Variants in DLG1 observed in about 807,000 individuals in gnomAD.
DLG1 encodes the protein disks large homolog 1.
DLG1 carries 42 observed loss-of-function variants against 123.4 expected under a neutral mutation model. The observed-to-expected ratio is 0.34, with a 90% CI of 0.27 to 0.44. DLG1 has a LOEUF of 0.44. Ranked by LOEUF, DLG1 falls within the 20% of genes least tolerant of loss-of-function variation. The pLI is 1.00. For synonymous variants in DLG1, 317 were observed against 356.2 expected (o/e 0.89, Z 1.24); for missense variants, 942 against 1,082.6 (o/e 0.87, Z 1.82).
At chr3:197,221,178 T>C (rs1367756267) in intron 4 of DLG1, among the ~76,000 whole-genome samples, 2 of 152,206 alleles carry the variant, frequency 1.3e-5, no homozygotes, top group Non-Finnish European at 2.9e-5. Flanking sequence ...TTGCAATATT[T>C]ACTTTTGCTT....
chr3:197,234,587 C>G (rs537163126), intron 4 of DLG1, among the ~76,000 whole-genome samples: 1 of 152,210 alleles, frequency 6.6e-6, no homozygotes, highest in Admixed American at 6.5e-5. Flanking sequence ...ACATGAAAAA[C>G]TAACCTTGGA....
chr3:197,245,899 T>TGGG lies in DLG1; in HGVS notation c.318+36779_318+36780insCCC, dbSNP rs1554044922. On this transcript the variant is annotated intron_variant, in intron 4 of 24. Coordinates refer to ENST00000667157, the MANE Select transcript of DLG1 (RefSeq NM_001366207.1). ...GGACATGGACAATACTTTTTTTTTTTTGGGGGGGGGGGAGGTGGCAAATGA... is the reference window on the plus strand; with the variant it reads ...GGACATGGACAATACTTTTTTTTTTTGGGTGGGGGGGGGGGAGGTGGCAAATGA... Among the ~76,000 whole-genome samples the TGGG allele has an allele frequency of 3.8e-4, 36 of 93,522 alleles. 1 individual carries two copies. Among genetic ancestry groups the TGGG allele is most frequent in the African/African-American group, 1.0e-3 (25 of 24,150 alleles). 61.4% of individuals were successfully genotyped at this position (93,522 alleles called of 152,430 possible).
At chr3:197,069,004 T>C (rs1240286281) in intron 19 of DLG1, among the ~76,000 whole-genome samples, 6 of 122,404 alleles carry the variant, frequency 4.9e-5, no homozygotes, top group Admixed American at 8.5e-5. Flanking sequence ...TGTACACAAA[T>C]AATATTTTTA....
At chr3:197,058,994 C>T (rs1733880130) in intron 23 of DLG1, among the ~76,000 whole-genome samples, 2 of 152,128 alleles carry the variant, frequency 1.3e-5, no homozygotes, top group Non-Finnish European at 2.9e-5. Context: ...GGCGAGATCT[C>T]GGCTCACTGC....
chr3:197,257,089 T>TA (rs199748083), intron 4 of DLG1, among the ~76,000 whole-genome samples: 9 of 152,124 alleles, frequency 5.9e-5, no homozygotes, highest in East Asian at 5.8e-4. Context: ...TGAAGTCTTT[T>TA]AAAAAAAATC....
chr3:197,248,047 C>T lies in DLG1; in HGVS notation c.318+34632G>A, dbSNP rs1752605089. 2.6e-5 allele frequency among the ~76,000 whole-genome samples: 4 copies of T among 152,190 alleles called. No homozygotes were observed. In the South Asian group the frequency reaches 6.2e-4, roughly 24 times the overall value. ...CATCAGAAGCCATATGAGGTGACCA[C>T]GGAACCGCAGATTGGACTTACTCAC... is the stretch of plus-strand genomic sequence containing the variant. On this transcript the variant is annotated intron_variant, in intron 4 of 24. Transcript: ENST00000667157.
Position 197,042,880 on chromosome 3 carries a change from T to C in DLG1, c.*1743A>G, listed in dbSNP as rs373247935. 7 of 104,336 alleles carry C rather than the reference T, an allele frequency of 6.7e-5. No homozygotes were observed. In the East Asian group the frequency reaches 1.2e-3, roughly 18 times the overall value. The allele number at this position is 104,336 out of a possible 1,614,324, so 6.5% of individuals were successfully genotyped here. On this transcript the variant is annotated 3_prime_UTR_variant, in exon 25 of 25. Coordinates refer to ENST00000667157, the MANE Select transcript of DLG1 (RefSeq NM_001366207.1). Reference sequence around the variant, plus strand: ...CAAATTGTTTCAAGAAAATGTTAGCTTGCAAAATATATTTTTTCTTTCAAA... The same window carrying C: ...CAAATTGTTTCAAGAAAATGTTAGCCTGCAAAATATATTTTTTCTTTCAAA...
rs544424554 is a variant in DLG1, at chr3:197,256,968, A to G, written c.318+25711T>C. 2.0e-4 allele frequency among the ~76,000 whole-genome samples: 31 copies of G among 152,298 alleles called. 1 individual carries two copies. The highest frequency in any genetic ancestry group is 7.5e-4 in the African/African-American group (31 of 41,564). ...ACTTCAACACAGTAATATGATCTAC[A>G]CTAAAAAATTCTATTACAGGTTACT... On this transcript the variant is annotated intron_variant, in intron 4 of 24. Transcript: ENST00000667157.
intron 5 of DLG1, among the ~76,000 whole-genome samples, chr3:197,154,984 T>C (rs1422240239): frequency 6.6e-6 from 1 of 152,092 alleles, no homozygotes; most frequent in East Asian, 1.9e-4. Flanking sequence ...GGGAGTTGCA[T>C]GAGAAATGAC....
At chr3:197,271,167 T>A (rs1206188203) in intron 4 of DLG1, among the ~76,000 whole-genome samples, 1 of 152,172 alleles carries the variant, frequency 6.6e-6, no homozygotes, top group Non-Finnish European at 1.5e-5. Flanking sequence ...TTCATGCCTG[T>A]GGCCCCCAGT....
chr3:197,297,267 T>C lies in DLG1; in HGVS notation c.-31-32A>G, dbSNP rs1777886866. 17 of 1,611,454 alleles carry C rather than the reference T, an allele frequency of 1.1e-5. No homozygotes were observed. The Admixed American group carries it at 2.3e-4, about 22-fold the overall frequency. ...AACACACAACGGAAAGGAAAAAGGA[T>C]AGAATCATGTTAAACTAGCATTTTC... On this transcript the variant is annotated intron_variant, in intron 1 of 24. Transcript: ENST00000667157.
chr3:197,115,639 C>T (rs922012621), intron 13 of DLG1, among the ~76,000 whole-genome samples: 5 of 152,122 alleles, frequency 3.3e-5, no homozygotes, highest in African/African-American at 1.2e-4. Context: ...TAAAGAAGTA[C>T]ACAAGTAACA....
In DLG1 at chr3:197,085,590, T is replaced by G; in HGVS notation, c.1828A>C (p.Ser610Arg). The G allele has an allele frequency of 6.2e-7, 1 of 1,614,038 alleles. No individual in the cohort carries two copies. Among genetic ancestry groups the G allele is most frequent in the Non-Finnish European group, 8.5e-7 (1 of 1,179,978 alleles). Residue 610 changes from serine (S) to arginine (R), a missense_variant, in exon 16 of 25, where the codon AGT (serine) becomes CGT (arginine). Ser to Arg is a moderately radical substitution (Grantham distance 110). Transcript: ENST00000667157. ...AAGAAACAGGCATACCTGCGTTTAC[T>G]GGGAATCACTCCGACCTCATCGCTC... ...GESDEVGVIPSKRRVEKKERA... is the reference protein window; with the variant it reads ...GESDEVGVIPRKRRVEKKERA...
Position 197,080,454 on chromosome 3 carries a change from C to CTTTTTT in DLG1, c.1905+591_1905+596dup, listed in dbSNP as rs35708797. On this transcript the variant is annotated intron_variant, in intron 17 of 24. Coordinates refer to ENST00000667157, the MANE Select transcript of DLG1 (RefSeq NM_001366207.1). ...CCATCACGCCTGGCTAATTTTTTACCTTTTTTTTTTTTTTTTTTTTTTTAA... is the reference window on the plus strand; with the variant it reads ...CCATCACGCCTGGCTAATTTTTTACCTTTTTTTTTTTTTTTTTTTTTTTTTTTTTAA... The CTTTTTT allele has an allele frequency of 1.6e-4, 16 of 97,492 alleles. 1 individual carries two copies. In the South Asian group the frequency reaches 2.7e-3, roughly 16 times the overall value. 6.0% of individuals were successfully genotyped at this position (97,492 alleles called of 1,614,324 possible).
intron 22 of DLG1, 102 bp downstream of exon 22, chr3:197,065,174 A>G (rs1738701394): frequency 1.8e-6 from 2 of 1,115,046 alleles, no homozygotes; most frequent in Non-Finnish European, 2.4e-6. Context: ...AATTCATCAC[A>G]TTAACAAAAC....
At chr3:197,066,335 A>C (rs956258453) in intron 20 of DLG1, among the ~76,000 whole-genome samples, 30 of 152,166 alleles carry the variant, frequency 2.0e-4, no homozygotes, top group African/African-American at 6.8e-4. Flanking sequence ...ATAAATAAGA[A>C]AGAAGTGGGA....
chr3:197,102,618 C>T (rs1009024441), intron 14 of DLG1, among the ~76,000 whole-genome samples: 2 of 152,218 alleles, frequency 1.3e-5, no homozygotes, highest in Non-Finnish European at 2.9e-5. Flanking sequence ...CTGTGGCTCA[C>T]GCCTGTAATC....
intron 4 of DLG1, among the ~76,000 whole-genome samples, chr3:197,240,276 C>A (rs562905833): frequency 5.3e-5 from 8 of 152,310 alleles, no homozygotes; most frequent in African/African-American, 1.9e-4. Flanking sequence ...AGCATTCCCA[C>A]ACTACTGGGA....
At chr3:197,271,162 G>A (rs1699026427) in intron 4 of DLG1, among the ~76,000 whole-genome samples, 1 of 152,046 alleles carries the variant, frequency 6.6e-6, no homozygotes, top group Admixed American at 6.5e-5. Context: ...AACACTTCAT[G>A]CCTGTGGCCC....
Sources: gnomAD v4.1 joint callset for allele counts (sites outside exome capture counted in the v4.1 genomes callset) on GRCh38, gnomAD v4.1.1 for gene constraint, MANE v1.5 for transcripts, NCBI Gene and HGNC (gene_info 2026-07-23, HGNC 2026-07-21) for gene names.